The following SLC24A3 variants were observed in gnomAD, a reference collection of about 807,000 sequenced individuals.
SLC24A3 encodes sodium/potassium/calcium exchanger 3.
Under a neutral mutation model 75.8 loss-of-function variants are expected in SLC24A3, and 28 were observed. The observed-to-expected ratio is 0.37, with a 90% CI of 0.27 to 0.51. The LOEUF is 0.51. Among genes scored for constraint, SLC24A3 ranks in the 20% least tolerant of loss-of-function variants. SLC24A3 has a pLI of 0.94. For missense variants in SLC24A3, 663 were observed against 847.8 expected (o/e 0.78, Z 2.71); for synonymous variants, 372 against 334.1 (o/e 1.11, Z -1.24).
chr20:19,323,924 A>G (rs1984776696), intron 2 of SLC24A3, among the ~76,000 whole-genome samples: 1 of 152,218 alleles, frequency 6.6e-6, no homozygotes, highest in African/African-American at 2.4e-5. Context: ...CATTTCAAAA[A>G]AGTCTGCTAA....
intron 8 of SLC24A3, 72 bp downstream of exon 8, chr20:19,665,961 T>C (rs1018359106): frequency 1.3e-6 from 2 of 1,514,556 alleles, no homozygotes; most frequent in African/African-American, 1.4e-5. Flanking sequence ...AAGACCAGTG[T>C]TGGGATTCAA....
chr20:19,623,163 T>C (rs1019209416), intron 6 of SLC24A3, among the ~76,000 whole-genome samples: 1 of 152,236 alleles, frequency 6.6e-6, no homozygotes, highest in South Asian at 2.1e-4. Context: ...CAAAAAAAGC[T>C]ATCAAATACA....
At chr20:19,629,071 ATGAATTACC>A (rs2031902876) in intron 6 of SLC24A3, among the ~76,000 whole-genome samples, 1 of 152,140 alleles carries the variant, frequency 6.6e-6, no homozygotes, top group Non-Finnish European at 1.5e-5. Context: ...ATAAAGATTT[ATGAATTACC>A]TGAAAAAGAA....
intron 2 of SLC24A3, among the ~76,000 whole-genome samples, chr20:19,464,651 A>G (rs993271170): frequency 2.0e-5 from 3 of 152,222 alleles, no homozygotes; most frequent in African/African-American, 7.2e-5. Context: ...GAAATTAGCA[A>G]CAATCATAGC....
At chr20:19,418,638 T>C (rs544990509) in intron 2 of SLC24A3, among the ~76,000 whole-genome samples, 6 of 151,684 alleles carry the variant, frequency 4.0e-5, no homozygotes, top group African/African-American at 1.4e-4. Flanking sequence ...AAAGGGCTCA[T>C]TGAGTGCCCA....
intron 2 of SLC24A3, among the ~76,000 whole-genome samples, chr20:19,427,835 G>A (rs1987037545): frequency 6.6e-6 from 1 of 152,248 alleles, no homozygotes; most frequent in Admixed American, 6.5e-5. Context: ...CTCCCGTCAG[G>A]GAACAGGCTC....
Position 19,681,847 on chromosome 20 carries a change from G to T in SLC24A3, c.768-11G>T. On this transcript the variant is annotated splice_polypyrimidine_tract_variant and intron_variant, in intron 9 of 16. Transcript: ENST00000328041. ...CACTGATGGACTCTGCCCACTTGTC[G>T]CTTTGCTCAGATATAACGCTTGCAT... 1 of 1,613,962 alleles carries T rather than the reference G, an allele frequency of 6.2e-7. No homozygotes were observed. Among genetic ancestry groups the T allele is most frequent in the Non-Finnish European group, 8.5e-7 (1 of 1,179,932 alleles).
At chr20:19,301,128 A>T (rs1040980387) in intron 2 of SLC24A3, among the ~76,000 whole-genome samples, 10 of 152,286 alleles carry the variant, frequency 6.6e-5, no homozygotes, top group African/African-American at 1.7e-4. Context: ...CTCTATGCCC[A>T]ATCACAGGCC....
At chr20:19,651,392 TATAC>T (rs1384931596) in intron 6 of SLC24A3, among the ~76,000 whole-genome samples, 9 of 93,836 alleles carry the variant, frequency 9.6e-5, no homozygotes, top group African/African-American at 7.6e-4. Context: ...TATATATATA[TATAC>T]ACACATATAT....
rs556740130 is a variant in SLC24A3 at position 19,328,286 on chromosome 20, C to A, written c.271+47199C>A. On this transcript the variant is annotated intron_variant, in intron 2 of 16. Coordinates refer to ENST00000328041, the MANE Select transcript of SLC24A3 (RefSeq NM_020689.4). ...ACCAGGTCTCTTAGGGTCTTGGGGG[C>A]TGGTGGAGGTCTTCTGCATTCACTG... Among the ~76,000 whole-genome samples the A allele has an allele frequency of 2.0e-5, 3 of 152,168 alleles. No homozygotes were observed. In the South Asian group the frequency reaches 6.2e-4, roughly 32 times the overall value.
chr20:19,414,430 A>G (rs1362789456), intron 2 of SLC24A3, among the ~76,000 whole-genome samples: 1 of 152,232 alleles, frequency 6.6e-6, no homozygotes, highest in Non-Finnish European at 1.5e-5. Flanking sequence ...GAATGGCTCA[A>G]TGAATATGGC....
intron 9 of SLC24A3, among the ~76,000 whole-genome samples, chr20:19,680,998 A>G (rs1363576788): frequency 6.6e-6 from 1 of 152,114 alleles, no homozygotes; most frequent in Middle Eastern, 3.2e-3. Context: ...TGGAGGGGGG[A>G]AAAGCAGTAG....
At chr20:19,598,033 G>A (rs1321781477) in intron 6 of SLC24A3, among the ~76,000 whole-genome samples, 1 of 152,210 alleles carries the variant, frequency 6.6e-6, no homozygotes, top group Non-Finnish European at 1.5e-5. Flanking sequence ...ACAAACGACA[G>A]TGCAGCGTAT....
chr20:19,574,283 T>C (rs1161095040), intron 3 of SLC24A3, among the ~76,000 whole-genome samples: 1 of 152,242 alleles, frequency 6.6e-6, no homozygotes, highest in East Asian at 1.9e-4. Context: ...AGTCTGCTTC[T>C]TGGAAGTTAC....
chr20:19,256,426 CTG>C (rs1049147019), intron 1 of SLC24A3, among the ~76,000 whole-genome samples: 84 of 152,190 alleles, frequency 5.5e-4, no homozygotes, highest in African/African-American at 2.0e-3. Flanking sequence ...TTACACAACT[CTG>C]TAAATATATG....
At chr20:19,348,411 T>C (rs1327591328) in intron 2 of SLC24A3, among the ~76,000 whole-genome samples, 2 of 152,210 alleles carry the variant, frequency 1.3e-5, no homozygotes, top group African/African-American at 4.8e-5. Flanking sequence ...CAGTGAACTG[T>C]TGCTGAATCA....
intron 3 of SLC24A3, among the ~76,000 whole-genome samples, chr20:19,516,956 C>A (rs550856326): frequency 6.6e-6 from 1 of 152,176 alleles, no homozygotes; most frequent in Non-Finnish European, 1.5e-5. Context: ...CCTCTTACGA[C>A]CCACAGGCCA....
intron 2 of SLC24A3, among the ~76,000 whole-genome samples, chr20:19,397,560 A>G (rs1264479778): frequency 1.3e-5 from 2 of 151,926 alleles, no homozygotes; most frequent in African/African-American, 2.4e-5. Context: ...TGGTTTTTCC[A>G]TATCTCTTAT....
chr20:19,346,095 A>G lies in SLC24A3; in HGVS notation c.271+65008A>G, dbSNP rs1436049740. ...TATATATATATATATATATATATAT[A>G]TATATATATATATGGTGTGTGTGTG... is the stretch of plus-strand genomic sequence containing the variant. On this transcript the variant is annotated intron_variant, in intron 2 of 16. Coordinates refer to ENST00000328041, the MANE Select transcript of SLC24A3 (RefSeq NM_020689.4). Among the ~76,000 whole-genome samples, 102 of 72,370 alleles carry G rather than the reference A, an allele frequency of 1.4e-3. 23 individuals carry two copies. The highest frequency in any genetic ancestry group is 0.011 in the African/African-American group (101 of 8,892). The allele number at this position is 72,370 out of a possible 152,430, so 47.5% of individuals were successfully genotyped here. A position where few individuals can be genotyped will look rare whatever the true frequency, so the allele number is the denominator to read the frequency against.
Sources: allele counts gnomAD v4.1 joint callset (sites outside exome capture counted in the v4.1 genomes callset), GRCh38; gene constraint gnomAD v4.1.1; transcripts MANE v1.5; gene names NCBI Gene and HGNC (gene_info 2026-07-23, HGNC 2026-07-21).